The following FAM181B variants were observed in gnomAD, a reference collection of about 807,000 sequenced individuals.
FAM181B encodes protein FAM181B.
Under a neutral mutation model 17.8 loss-of-function variants are expected in FAM181B, and 13 were observed. The ratio of observed to expected loss-of-function variants is 0.73; its 90% CI spans 0.48 to 1.16. The LOEUF is 1.16. Ranked by LOEUF, FAM181B falls within the 50% of genes most tolerant of loss-of-function variation. The pLI is 0.00. For synonymous variants in FAM181B, 338 were observed against 316.5 expected, an observed-to-expected ratio of 1.07 and a Z score of -0.72; for missense variants, 725 against 634.1, an observed-to-expected ratio of 1.14 and a Z score of -1.54.
chr11:82,733,712 C>T lies in FAM181B; in HGVS notation c.18G>A (p.Ala6=), dbSNP rs1029408683. 4 of 1,439,596 alleles carry T rather than the reference C, an allele frequency of 2.8e-6. No individual in the cohort carries two copies. The highest frequency in any genetic ancestry group is 3.6e-6 in the Non-Finnish European group (4 of 1,096,320). 89.2% of individuals were successfully genotyped at this position (1,439,596 alleles called of 1,614,324 possible). The change falls in exon 1 of 1, where the codon GCG becomes GCA. Residue 6 remains alanine, a synonymous_variant. Transcript: ENST00000329203. The part of the protein sequence containing the change: MAVQA[A]LLSTHPFVPF... ...GCACGAAAGGGTGCGTGCTGAGGAG[C>T]GCCGCCTGCACCGCCATCGCCGCGG...
In FAM181B at chr11:82,732,944, C is replaced by G; in HGVS notation, c.786G>C (p.Val262=). The G allele has an allele frequency of 1.3e-6, 2 of 1,575,948 alleles. No individual in the cohort carries two copies. The highest frequency in any genetic ancestry group is 8.6e-7 in the Non-Finnish European group (1 of 1,167,580). The change falls in exon 1 of 1, where the codon GTG becomes GTC. Residue 262 remains valine, a synonymous_variant. Transcript: ENST00000329203. The part of the protein sequence containing the change: ...LGDLEKGAEA[V]EFFELLGPDY... ...CGGGCCCCAGCAGCTCAAAGAACTC[C>G]ACGGCCTCCGCGCCCTTCTCCAGGT...
Position 82,731,587 on chromosome 11 carries a change from C to A in FAM181B, c.*862G>T, listed in dbSNP as rs1857130667. The A allele has an allele frequency of 6.6e-6, 1 of 152,206 alleles. No individual in the cohort carries two copies. The highest frequency in any genetic ancestry group is 1.5e-5 in the Non-Finnish European group (1 of 68,048). 9.4% of individuals were successfully genotyped at this position (152,206 alleles called of 1,614,324 possible). On this transcript the variant is annotated 3_prime_UTR_variant, in exon 1 of 1. Coordinates refer to ENST00000329203, the MANE Select transcript of FAM181B (RefSeq NM_175885.4). ...CATTACCGTCTTCACCCTCTCAGATCACGAAAATTGATACAAAGAGGTTAC... is the reference window on the plus strand; with the variant it reads ...CATTACCGTCTTCACCCTCTCAGATAACGAAAATTGATACAAAGAGGTTAC...
At position 82,733,217 on chromosome 11, in the gene FAM181B, C is replaced by G; in HGVS notation, c.513G>C (p.Ser171=). The G allele has an allele frequency of 7.7e-7, 1 of 1,302,558 alleles. No homozygotes were observed. Among genetic ancestry groups the G allele is most frequent in the Non-Finnish European group, 9.7e-7 (1 of 1,032,614 alleles). The allele number at this position is 1,302,558 out of a possible 1,614,324, so 80.7% of individuals were successfully genotyped here. A position where few individuals can be genotyped will look rare whatever the true frequency, so the allele number is the denominator to read the frequency against. The change falls in exon 1 of 1, where the codon TCG becomes TCC. Residue 171 remains serine (S), a synonymous_variant. Transcript: ENST00000329203. ...QSRSLAALFD[S]LRHVPGGAEP... is the part of the protein sequence containing the mutation. ...CGGCACCCCCGGGGACGTGGCGCAGCGAGTCGAAGAGCGCGGCCAGACTTC... is the reference window on the plus strand; with the variant it reads ...CGGCACCCCCGGGGACGTGGCGCAGGGAGTCGAAGAGCGCGGCCAGACTTC...
Position 82,730,596 on chromosome 11 carries a change from T to G in FAM181B, c.*1853A>C, listed in dbSNP as rs1857118039. The G allele has an allele frequency of 6.6e-6, 1 of 152,244 alleles. No individual in the cohort carries two copies. The highest frequency in any genetic ancestry group is 1.5e-5 in the Non-Finnish European group (1 of 68,048). The allele number at this position is 152,244 out of a possible 1,614,324, so 9.4% of individuals were successfully genotyped here. On this transcript the variant is annotated 3_prime_UTR_variant, in exon 1 of 1. Transcript: ENST00000329203. ...TTTAACCACTTTGGAAGAAATCCAATAGACATTAGCTTTCTGGAGTTGCAA... is the reference window on the plus strand; with the variant it reads ...TTTAACCACTTTGGAAGAAATCCAAGAGACATTAGCTTTCTGGAGTTGCAA...
chr11:82,733,111 C>A lies in FAM181B; in HGVS notation c.619G>T (p.Gly207Cys). 6.8e-7 allele frequency: 1 copy of A among 1,473,862 alleles called. No individual in the cohort carries two copies. The highest frequency in any genetic ancestry group is 1.3e-5 in the South Asian group (1 of 75,882). 91.3% of individuals were successfully genotyped at this position (1,473,862 alleles called of 1,614,324 possible). The change falls in exon 1 of 1, where the codon GGC (glycine) becomes TGC (cysteine). Residue 207 changes from glycine to cysteine, a missense_variant. By Grantham distance (159) the Gly-to-Cys change is radical. Coordinates refer to ENST00000329203, the MANE Select transcript of FAM181B (RefSeq NM_175885.4). ...GTGGAGGDVA[G>C]PAGATAIPGA... ...GGGATCGCCGTGGCCCCCGCGGGGC[C>A]TGCCACGTCCCCTCCCGCGCCCCCA...
Position 82,733,116 on chromosome 11 carries a change from A to C in FAM181B, c.614T>G (p.Val205Gly). ...CGCCGTGGCCCCCGCGGGGCCTGCCACGTCCCCTCCCGCGCCCCCAGTGCC... is the reference window on the plus strand; with the variant it reads ...CGCCGTGGCCCCCGCGGGGCCTGCCCCGTCCCCTCCCGCGCCCCCAGTGCC... ...GAGTGGAGGD[V>G]AGPAGATAIP... The change falls in exon 1 of 1, where the codon GTG becomes GGG. Residue 205 changes from valine (V) to glycine (G), a missense_variant. Val to Gly is a moderately radical substitution (Grantham distance 109). Coordinates refer to ENST00000329203, the MANE Select transcript of FAM181B (RefSeq NM_175885.4). The C allele has an allele frequency of 6.8e-7, 1 of 1,470,794 alleles. No individual in the cohort carries two copies. Among genetic ancestry groups the C allele is most frequent in the Non-Finnish European group, 8.9e-7 (1 of 1,120,430 alleles). The allele number at this position is 1,470,794 out of a possible 1,614,324, so 91.1% of individuals were successfully genotyped here.
At position 82,733,663 on chromosome 11, in the gene FAM181B, C is replaced by A; in HGVS notation, c.67G>T (p.Asp23Tyr). The A allele has an allele frequency of 6.4e-7, 1 of 1,562,626 alleles. No individual in the cohort carries two copies. Among genetic ancestry groups the A allele is most frequent in the Non-Finnish European group, 8.6e-7 (1 of 1,159,846 alleles). ...FVPFGFGGSP[D>Y]GLGGAFGALD... is the part of the protein sequence containing the mutation. ...GCTCCGAAGGCGCCCCCTAGCCCGTCCGGGGAGCCCCCGAAGCCGAAGGGC... is the reference window on the plus strand; with the variant it reads ...GCTCCGAAGGCGCCCCCTAGCCCGTACGGGGAGCCCCCGAAGCCGAAGGGC... The change falls in exon 1 of 1, where the codon GAC (aspartate) becomes TAC (tyrosine). Residue 23 changes from aspartate (D) to tyrosine (Y), a missense_variant. Asp to Tyr is a radical substitution (Grantham distance 160). Coordinates refer to ENST00000329203, the MANE Select transcript of FAM181B (RefSeq NM_175885.4).
Position 82,732,523 on chromosome 11 carries a change from C to T in FAM181B, c.1207G>A (p.Ala403Thr), listed in dbSNP as rs757687302. ...TCGGATCTCCAAAGGCTGGAATAGG[C>T]GGTGCGGCTGTAGCCCGCGCTGTAA... ...YDYSAGYSRT[A>T]YSSLWRSDGV... The change falls in exon 1 of 1, where the codon GCC (alanine) becomes ACC (threonine). Residue 403 changes from alanine to threonine, a missense_variant. Ala to Thr is a moderately conservative substitution (Grantham distance 58). Transcript: ENST00000329203. 7.4e-6 allele frequency: 12 copies of T among 1,612,498 alleles called. No individual in the cohort carries two copies. In the Middle Eastern group the frequency reaches 4.9e-4, roughly 66 times the overall value.
Position 82,732,881 on chromosome 11 carries a change from GGCAA to G in FAM181B, c.845_848del (p.Leu282ProfsTer55). 2 of 1,539,718 alleles carry G rather than the reference GGCAA, an allele frequency of 1.3e-6. No individual in the cohort carries two copies. Among genetic ancestry groups the G allele is most frequent in the Non-Finnish European group, 1.7e-6 (2 of 1,145,020 alleles). ...CGGGGAACACGTCGAGAGGCTCGGC[GGCAA>G]GCAAGACTGCCGCCTCCGTGCCGGC... On this transcript the variant is annotated frameshift_variant, in exon 1 of 1. Transcript: ENST00000329203. LOFTEE classifies it high-confidence loss of function.
At position 82,732,493 on chromosome 11, in the gene FAM181B, C is replaced by T. The variant is rs749908115; in HGVS notation, c.1237G>A (p.Val413Ile). 3 of 1,613,148 alleles carry T rather than the reference C, an allele frequency of 1.9e-6. No homozygotes were observed. The highest frequency in any genetic ancestry group is 2.5e-6 in the Non-Finnish European group (3 of 1,179,994). The change falls in exon 1 of 1, where the codon GTT becomes ATT. Residue 413 changes from valine (V) to isoleucine (I), a missense_variant. Coordinates refer to ENST00000329203, the MANE Select transcript of FAM181B (RefSeq NM_175885.4). ...AYSSLWRSDG[V>I]WEGAPGEEGA... ...TCCTCCCCCGGCGCCCCTTCCCAAACCCCGTCGGATCTCCAAAGGCTGGAA... is the reference window on the plus strand; with the variant it reads ...TCCTCCCCCGGCGCCCCTTCCCAAATCCCGTCGGATCTCCAAAGGCTGGAA...
chr11:82,731,320 G>A lies in FAM181B; in HGVS notation c.*1129C>T, dbSNP rs545623789. On this transcript the variant is annotated 3_prime_UTR_variant, in exon 1 of 1. Coordinates refer to ENST00000329203, the MANE Select transcript of FAM181B (RefSeq NM_175885.4). Reference sequence around the variant, plus strand: ...GGCAGAAACCAACAGAGGTGGAAGGGGAGCTGTGGAAGGAGAGAAGGAGGG... The same window carrying A: ...GGCAGAAACCAACAGAGGTGGAAGGAGAGCTGTGGAAGGAGAGAAGGAGGG... 6.6e-6 allele frequency: 1 copy of A among 152,528 alleles called. No homozygotes were observed. The highest frequency in any genetic ancestry group is 1.5e-5 in the Non-Finnish European group (1 of 68,212). 9.4% of individuals were successfully genotyped at this position (152,528 alleles called of 1,614,324 possible). A position where few individuals can be genotyped will look rare whatever the true frequency, so the allele number is the denominator to read the frequency against.
In FAM181B at chr11:82,733,601, G is replaced by C; in HGVS notation, c.129C>G (p.Thr43=). ...DKGCCFEDDE[T]GAPAGALLSG... is the part of the protein sequence containing the mutation. ...ACAGCAGCGCACCCGCCGGAGCCCC[G>C]GTCTCATCGTCCTCGAAACAGCAGC... Residue 43 remains threonine, a synonymous_variant, in exon 1 of 1, where the codon ACC becomes ACG. Coordinates refer to ENST00000329203, the MANE Select transcript of FAM181B (RefSeq NM_175885.4). 6.2e-7 allele frequency: 1 copy of C among 1,602,794 alleles called. No individual in the cohort carries two copies.
In FAM181B at chr11:82,730,445, G is replaced by T. The variant is rs1237053976; in HGVS notation, c.*2004C>A. The T allele has an allele frequency of 1.3e-5, 2 of 152,258 alleles. No homozygotes were observed. The highest frequency in any genetic ancestry group is 6.5e-5 in the Admixed American group (1 of 15,290). 9.4% of individuals were successfully genotyped at this position (152,258 alleles called of 1,614,324 possible). ...ACATTACAATGACACTATAGTCTTA[G>T]TAACAGTCACAGGGTTATTAATGTT... On this transcript the variant is annotated 3_prime_UTR_variant, in exon 1 of 1. Coordinates refer to ENST00000329203, the MANE Select transcript of FAM181B (RefSeq NM_175885.4).
chr11:82,733,672 C>T lies in FAM181B; in HGVS notation c.58G>A (p.Gly20Ser), dbSNP rs769878834. Residue 20 changes from glycine (G) to serine (S), a missense_variant, in exon 1 of 1, where the codon GGC becomes AGC. Physicochemically the swap from Gly to Ser is moderately conservative, Grantham distance 56. Coordinates refer to ENST00000329203, the MANE Select transcript of FAM181B (RefSeq NM_175885.4). ...GCGCCCCCTAGCCCGTCCGGGGAGC[C>T]CCCGAAGCCGAAGGGCACGAAAGGG... ...THPFVPFGFG[G>S]SPDGLGGAFG... is the part of the protein sequence containing the mutation. The T allele has an allele frequency of 8.6e-5, 133 of 1,549,528 alleles. No individual in the cohort carries two copies. In the Middle Eastern group the frequency reaches 1.5e-3, roughly 18 times the overall value.
In FAM181B at chr11:82,733,560, C is replaced by G. The variant is rs148661098; in HGVS notation, c.170G>C (p.Gly57Ala). 3.1e-5 allele frequency: 50 copies of G among 1,601,832 alleles called. No individual in the cohort carries two copies. The highest frequency in any genetic ancestry group is 4.2e-5 in the Non-Finnish European group (50 of 1,177,620). Reference protein sequence around the residue: ...AGALLSGAEGGDVREATRDLL... With the variant: ...AGALLSGAEGADVREATRDLL... The stretch of plus-strand genomic sequence containing the variant: ...ATCGCGGGTGGCCTCGCGCACGTCC[C>G]CTCCTTCGGCTCCCGACAGCAGCGC... Residue 57 changes from glycine to alanine, a missense_variant, in exon 1 of 1, where the codon GGG (glycine) becomes GCG (alanine). Gly to Ala is a moderately conservative substitution (Grantham distance 60). Coordinates refer to ENST00000329203, the MANE Select transcript of FAM181B (RefSeq NM_175885.4).
At position 82,731,359 on chromosome 11, in the gene FAM181B, T is replaced by G. The variant is rs572611010; in HGVS notation, c.*1090A>C. 3 of 152,224 alleles carry G rather than the reference T, an allele frequency of 2.0e-5. No individual in the cohort carries two copies. The highest frequency in any genetic ancestry group is 4.4e-5 in the Non-Finnish European group (3 of 68,092). The allele number at this position is 152,224 out of a possible 1,614,324, so 9.4% of individuals were successfully genotyped here. On this transcript the variant is annotated 3_prime_UTR_variant, in exon 1 of 1. Transcript: ENST00000329203. Reference sequence around the variant, plus strand: ...AGAGAAGGAGGGATGGTAAAGAGGATGTACAGCTTGTAAGGGAAAGGGCAA... The same window carrying G: ...AGAGAAGGAGGGATGGTAAAGAGGAGGTACAGCTTGTAAGGGAAAGGGCAA...
chr11:82,732,353 C>T lies in FAM181B; in HGVS notation c.*96G>A. The T allele has an allele frequency of 8.4e-7, 1 of 1,190,618 alleles. No homozygotes were observed. Among genetic ancestry groups the T allele is most frequent in the Non-Finnish European group, 1.2e-6 (1 of 857,712 alleles). 73.8% of individuals were successfully genotyped at this position (1,190,618 alleles called of 1,614,324 possible). A position where few individuals can be genotyped will look rare whatever the true frequency, so the allele number is the denominator to read the frequency against. Reference sequence around the variant, plus strand: ...TTTTAAAAATCTGGTTTCATCTCCACGTGCATTTTCCCATCGTTCTTCAGA... The same window carrying T: ...TTTTAAAAATCTGGTTTCATCTCCATGTGCATTTTCCCATCGTTCTTCAGA... On this transcript the variant is annotated 3_prime_UTR_variant, in exon 1 of 1. Transcript: ENST00000329203.
chr11:82,732,462 G>A lies in FAM181B; in HGVS notation c.1268C>T (p.Ala423Val). The A allele has an allele frequency of 6.2e-7, 1 of 1,612,686 alleles. No homozygotes were observed. Among genetic ancestry groups the A allele is most frequent in the African/African-American group, 1.3e-5 (1 of 74,996 alleles). The change falls in exon 1 of 1, where the codon GCG (alanine) becomes GTG (valine). Residue 423 changes from alanine (A) to valine (V), a missense_variant. Transcript: ENST00000329203. ...VWEGAPGEEG[A>V]HRD ...CGTGCCTCGAAGTCAGTCCCGGTGCGCCCCCTCCTCCCCCGGCGCCCCTTC... is the reference window on the plus strand; with the variant it reads ...CGTGCCTCGAAGTCAGTCCCGGTGCACCCCCTCCTCCCCCGGCGCCCCTTC...
chr11:82,732,924 C>T lies in FAM181B; in HGVS notation c.806G>A (p.Gly269Glu). 6.4e-7 allele frequency: 1 copy of T among 1,569,890 alleles called. No individual in the cohort carries two copies. Among genetic ancestry groups the T allele is most frequent in the African/African-American group, 1.4e-5 (1 of 73,238 alleles). The change falls in exon 1 of 1, where the codon GGG becomes GAG. Residue 269 changes from glycine (G) to glutamate (E), a missense_variant. Coordinates refer to ENST00000329203, the MANE Select transcript of FAM181B (RefSeq NM_175885.4). ...CTCCGTGCCGGCGCCGTAGTCGGGC[C>T]CCAGCAGCTCAAAGAACTCCACGGC... ...AEAVEFFELL[G>E]PDYGAGTEAA...
Sources: allele counts gnomAD v4.1 joint callset, GRCh38; gene constraint gnomAD v4.1.1; transcripts MANE v1.5; gene names NCBI Gene and HGNC (gene_info 2026-07-23, HGNC 2026-07-21).